The following KLHL3 variants were observed in gnomAD, a reference collection of about 807,000 sequenced individuals.
KLHL3 encodes the protein kelch like family member 3.
KLHL3 carries 19 observed loss-of-function variants against 70.5 expected under a neutral mutation model. The observed-to-expected ratio is 0.27, with a 90% CI of 0.19 to 0.40. KLHL3 has a LOEUF of 0.40. Among genes scored for constraint, KLHL3 ranks in the 10% least tolerant of loss-of-function variants. The pLI is 1.00. For synonymous variants in KLHL3, 258 were observed against 290.3 expected, an observed-to-expected ratio of 0.89 and a Z score of 1.13; for missense variants, 512 against 771.1, an observed-to-expected ratio of 0.66 and a Z score of 3.98.
intron 2 of KLHL3, 62 bp downstream of exon 2, chr5:137,720,403 T>C: frequency 6.2e-7 from 1 of 1,603,554 alleles, no homozygotes; most frequent in Non-Finnish European, 8.5e-7. Flanking sequence ...CTGTTCTCAG[T>C]CCTTGATGAA....
chr5:137,643,457 T>C (rs180956076), intron 8 of KLHL3, among the ~76,000 whole-genome samples: 1 of 152,200 alleles, frequency 6.6e-6, no homozygotes, highest in African/African-American at 2.4e-5. Context: ...CAAACAAAAC[T>C]TGTACAACTA....
chr5:137,727,078 C>T (rs1305298962), intron 1 of KLHL3, among the ~76,000 whole-genome samples: 1 of 152,090 alleles, frequency 6.6e-6, no homozygotes, highest in Non-Finnish European at 1.5e-5. Flanking sequence ...AGATTTTACA[C>T]AGGTAATTCA....
chr5:137,640,100 G>T, intron 8 of KLHL3, 123 bp from the exon 9 acceptor site: 1 of 777,748 alleles, frequency 1.3e-6, no homozygotes, highest in Middle Eastern at 2.3e-4. Flanking sequence ...AGTTTACAGA[G>T]CTACATACAT....
At chr5:137,721,692 G>A (rs770579117) in intron 1 of KLHL3, among the ~76,000 whole-genome samples, 1 of 152,220 alleles carries the variant, frequency 6.6e-6, no homozygotes, top group Admixed American at 6.5e-5. Context: ...TGTAGTCCCA[G>A]CTACTCAGGA....
intron 1 of KLHL3, among the ~76,000 whole-genome samples, chr5:137,726,593 C>T (rs558593562): frequency 3.1e-4 from 47 of 152,266 alleles, no homozygotes; most frequent in African/African-American, 1.1e-3. Context: ...TCAACTGGCA[C>T]ATAGAATTCT....
chr5:137,698,226 G>T, intron 4 of KLHL3, 61 bp downstream of exon 4: 1 of 1,583,128 alleles, frequency 6.3e-7, no homozygotes, highest in Non-Finnish European at 8.6e-7. Context: ...ATAAAATAAC[G>T]CTGTAAAATG....
chr5:137,727,912 A>T (rs1165458398), intron 1 of KLHL3, among the ~76,000 whole-genome samples: 6 of 152,158 alleles, frequency 3.9e-5, no homozygotes. Flanking sequence ...CCAGACTGTA[A>T]ATACTCCCAC....
In KLHL3 at chr5:137,720,539, C is replaced by G; in HGVS notation, c.60G>C (p.Glu20Asp). 4 of 1,614,178 alleles carry G rather than the reference C, an allele frequency of 2.5e-6. No homozygotes were observed. The highest frequency in any genetic ancestry group is 3.4e-6 in the Non-Finnish European group (4 of 1,180,004). ...TGACAGTGATCGTCCTCTGGTTCTT[C>G]TCATCATCCCCAGCCTGTATCAGAG... is the stretch of plus-strand genomic sequence containing the variant. ...SQTLIQAGDD[E>D]KNQRTITVNP... The change falls in exon 2 of 15, where the codon GAG (glutamate) becomes GAC (aspartate). Residue 20 changes from glutamate to aspartate, a missense_variant. Transcript: ENST00000309755.
intron 6 of KLHL3, among the ~76,000 whole-genome samples, chr5:137,670,905 G>A (rs532960204): frequency 3.3e-5 from 5 of 150,924 alleles, no homozygotes; most frequent in South Asian, 4.2e-4. Context: ...CCTGGGAAGC[G>A]GAGGTTGCAG....
chr5:137,734,276 C>T (rs887898855), intron 1 of KLHL3, among the ~76,000 whole-genome samples: 1 of 152,214 alleles, frequency 6.6e-6, no homozygotes, highest in Non-Finnish European at 1.5e-5. Context: ...AGACACTGCT[C>T]ACCTCTGCCC....
At chr5:137,645,172 T>C (rs1035505511) in intron 8 of KLHL3, among the ~76,000 whole-genome samples, 4 of 152,054 alleles carry the variant, frequency 2.6e-5, no homozygotes, top group Non-Finnish European at 5.9e-5. Flanking sequence ...CTCAACATAA[T>C]AGAGGCCATA....
At chr5:137,663,781 G>A (rs1470660876) in intron 6 of KLHL3, among the ~76,000 whole-genome samples, 1 of 152,042 alleles carries the variant, frequency 6.6e-6, no homozygotes, top group African/African-American at 2.4e-5. Flanking sequence ...CATCTTATAC[G>A]TGATTAAAGA....
At chr5:137,716,173 A>G (rs1752887895) in intron 2 of KLHL3, among the ~76,000 whole-genome samples, 1 of 152,182 alleles carries the variant, frequency 6.6e-6, no homozygotes, top group Admixed American at 6.5e-5. Context: ...ATGACATAGA[A>G]AAATGTGTTC....
chr5:137,633,615 TG>T (rs1750696467), intron 12 of KLHL3, among the ~76,000 whole-genome samples: 1 of 152,178 alleles, frequency 6.6e-6, no homozygotes, highest in Non-Finnish European at 1.5e-5. Flanking sequence ...GTATACACCA[TG>T]GAATCTTATG....
At position 137,618,775 on chromosome 5, in the gene KLHL3, G is replaced by C. The variant is rs1157405995; in HGVS notation, c.*3323C>G. ...AGCAGACTCCAAAAAAAAAAAAAAA[G>C]ACACAATCAATACAGACGGGCAAGT... On this transcript the variant is annotated 3_prime_UTR_variant, in exon 15 of 15. Transcript: ENST00000309755. 7.2e-6 allele frequency: 1 copy of C among 138,026 alleles called. No homozygotes were observed. The highest frequency in any genetic ancestry group is 1.6e-5 in the Non-Finnish European group (1 of 64,014). The allele number at this position is 138,026 out of a possible 1,614,324, so 8.6% of individuals were successfully genotyped here.
intron 12 of KLHL3, chr5:137,629,565 C>T (rs1203362366): frequency 1.3e-5 from 2 of 152,198 alleles, no homozygotes; most frequent in African/African-American, 2.4e-5. Context: ...GACTATAACT[C>T]CATATGGATG....
intron 7 of KLHL3, among the ~76,000 whole-genome samples, chr5:137,658,741 C>T (rs191439643): frequency 6.6e-6 from 1 of 152,016 alleles, no homozygotes; most frequent in Non-Finnish European, 1.5e-5. Context: ...CATCAGCCAA[C>T]CTTTGGAGGC....
Position 137,639,480 on chromosome 5 carries a change from A to G in KLHL3, c.1022-330T>C, listed in dbSNP as rs1750855120. Among the ~76,000 whole-genome samples the G allele has an allele frequency of 6.6e-6, 1 of 152,102 alleles. No individual in the cohort carries two copies. The highest frequency in any genetic ancestry group is 1.5e-5 in the Non-Finnish European group (1 of 68,014). ...GAAGCCAAGGCAGGTGGATCACCTGAGGTCAGGAGTTCAAGACCAGCTTGG... is the reference window on the plus strand; with the variant it reads ...GAAGCCAAGGCAGGTGGATCACCTGGGGTCAGGAGTTCAAGACCAGCTTGG... On this transcript the variant is annotated intron_variant, in intron 9 of 14. Coordinates refer to ENST00000309755, the MANE Select transcript of KLHL3 (RefSeq NM_017415.3). This position sits in a 1 kb window ranked among gnomAD's most constrained non-coding sequence, Gnocchi z 5.0.
At chr5:137,702,823 C>A (rs969679440) in intron 3 of KLHL3, among the ~76,000 whole-genome samples, 1 of 152,134 alleles carries the variant, frequency 6.6e-6, no homozygotes, top group African/African-American at 2.4e-5. Flanking sequence ...CCTCTGAGAA[C>A]CACGGAGGGC....
Sources: allele counts gnomAD v4.1 joint callset (sites outside exome capture counted in the v4.1 genomes callset), GRCh38; gene constraint gnomAD v4.1.1; non-coding constraint Gnocchi (gnomAD v3.1); transcripts MANE v1.5; gene names NCBI Gene and HGNC (gene_info 2026-07-23, HGNC 2026-07-21).